Variants in PHLDB1 observed in about 807,000 individuals in gnomAD.
The protein encoded by PHLDB1 is pleckstrin homology like domain family B member 1.
A neutral mutation model predicts 139.3 loss-of-function variants in PHLDB1; 65 were observed. The ratio of observed to expected loss-of-function variants is 0.47; its 90% CI spans 0.38 to 0.57. The LOEUF (loss-of-function observed/expected upper bound fraction) is 0.57, where lower values mean the gene tolerates loss of function less well. PHLDB1 is among the 20% of genes least tolerant of loss of function. PHLDB1 has a pLI of 0.00. For synonymous variants in PHLDB1, 679 were observed against 734.5 expected, an observed-to-expected ratio of 0.92 and a Z score of 1.22; for missense variants, 1,624 against 1,839.7, an observed-to-expected ratio of 0.88 and a Z score of 2.14.
chr11:118,624,586 CTTTCTTTTTTTTTTTTTTTT>C (rs1166219601), intron 4 of PHLDB1: 4 of 217,966 alleles, frequency 1.8e-5, no homozygotes, highest in African/African-American at 1.1e-4. Context: ...CTCTTTCTTC[CTTTCTTTTTTTTTTTTTTTT>C]TTTTTTTTTT....
Position 118,646,152 on chromosome 11 carries a change from C to T in PHLDB1, c.3507+327C>T, listed in dbSNP as rs184176723. On this transcript the variant is annotated intron_variant, in intron 17 of 22. Transcript: ENST00000600882. ...GCAGGCGCCTGTAGTCCCAGCTGCG[C>T]GGGAGGCTGAGGCAGGAGAATGGCG... Among the ~76,000 whole-genome samples the T allele has an allele frequency of 7.2e-3, 1,014 of 140,860 alleles. 16 individuals are homozygous for T. Among genetic ancestry groups the T allele is most frequent in the African/African-American group, 0.025 (957 of 38,772 alleles). The allele number at this position is 140,860 out of a possible 152,430, so 92.4% of individuals were successfully genotyped here.
In PHLDB1 at chr11:118,642,262, G is replaced by T. The variant is rs782369844; in HGVS notation, c.2745G>T (p.Lys915Asn). ...CCCATTCCCACCTCCAGATGGAGAAGCTGCTGCTCCCTGCTGTAGACTTAG... is the reference window on the plus strand; with the variant it reads ...CCCATTCCCACCTCCAGATGGAGAATCTGCTGCTCCCTGCTGTAGACTTAG... ...KTTSTLKEME[K>N]LLLPAVDLEQ... The change falls in exon 13 of 23, where the codon AAG becomes AAT. Residue 915 changes from lysine (K) to asparagine (N), a missense_variant. By Grantham distance (94) the Lys-to-Asn change is moderately conservative. Transcript: ENST00000600882. 1.9e-6 allele frequency: 3 copies of T among 1,612,510 alleles called. No individual in the cohort carries two copies. The South Asian group carries it at 3.3e-5, about 18-fold the overall frequency.
In PHLDB1 at chr11:118,645,318, G is replaced by T; in HGVS notation, c.3122-38G>T. 1 of 1,470,236 alleles carries T rather than the reference G, an allele frequency of 6.8e-7. No homozygotes were observed. Among genetic ancestry groups the T allele is most frequent in the Admixed American group, 2.3e-5 (1 of 42,900 alleles). The allele number at this position is 1,470,236 out of a possible 1,614,324, so 91.1% of individuals were successfully genotyped here. On this transcript the variant is annotated intron_variant, in intron 15 of 22. Transcript: ENST00000600882. The surrounding 1 kb of genome is among the most constrained non-coding windows in gnomAD (Gnocchi z 5.1). ...CCAGTGGCCTGCTCCTTAGCTGCGT[G>T]GGGAGCCCACTGTGACTCCCATCTG...
At chr11:118,625,323 G>T (rs1171606703) in intron 5 of PHLDB1, among the ~76,000 whole-genome samples, 2 of 152,210 alleles carry the variant, frequency 1.3e-5, no homozygotes, top group East Asian at 3.9e-4. Context: ...CTGCCCTGGA[G>T]GATGCCACTC....
chr11:118,639,056 GT>G (rs1946099545), intron 11 of PHLDB1, 55 bp downstream of exon 11: 9 of 1,558,664 alleles, frequency 5.8e-6, no homozygotes, highest in Middle Eastern at 3.4e-4. Flanking sequence ...TGGGAGGGGA[GT>G]GCAGAAGGAC....
At chr11:118,618,535 C>A (rs1232862225) in intron 4 of PHLDB1, among the ~76,000 whole-genome samples, 2 of 151,986 alleles carry the variant, frequency 1.3e-5, no homozygotes, top group African/African-American at 4.8e-5. Flanking sequence ...GCTTACGAAT[C>A]CTGTGTTTGT....
intron 12 of PHLDB1, chr11:118,639,524 T>G: frequency 1.3e-4 from 54 of 420,854 alleles, no homozygotes; most frequent in East Asian, 1.4e-4. Flanking sequence ...GGGCCTGGGT[T>G]GGGTGGGTAG....
At chr11:118,638,409 A>G (rs2136443275) in intron 10 of PHLDB1, among the ~76,000 whole-genome samples, 1 of 152,366 alleles carries the variant, frequency 6.6e-6, no homozygotes, top group South Asian at 2.1e-4. Flanking sequence ...CTTTTTAGAA[A>G]GATTAGAAAA....
chr11:118,645,955 A>C lies in PHLDB1; in HGVS notation c.3507+130A>C. 1 of 709,296 alleles carries C rather than the reference A, an allele frequency of 1.4e-6. No individual in the cohort carries two copies. Among genetic ancestry groups the C allele is most frequent in the Non-Finnish European group, 2.5e-6 (1 of 393,752 alleles). The allele number at this position is 709,296 out of a possible 1,614,324, so 43.9% of individuals were successfully genotyped here. On this transcript the variant is annotated intron_variant, in intron 17 of 22. Coordinates refer to ENST00000600882, the MANE Select transcript of PHLDB1 (RefSeq NM_001144758.3). The surrounding 1 kb of genome is among the most constrained non-coding windows in gnomAD (Gnocchi z 5.1). Reference sequence around the variant, plus strand: ...CCTTGCCACATTCCCTTGGGGTAGAAAATGTTTTAAAAGGTTGTATTCTGG... The same window carrying C: ...CCTTGCCACATTCCCTTGGGGTAGACAATGTTTTAAAAGGTTGTATTCTGG...
At chr11:118,612,938 C>G (rs555839142) in intron 1 of PHLDB1, among the ~76,000 whole-genome samples, 130 of 152,178 alleles carry the variant, frequency 8.5e-4, no homozygotes, top group Non-Finnish European at 1.4e-3. Context: ...CATTAGTACA[C>G]AAAGGTCCTC....
chr11:118,644,444 G>C (rs1374915223), intron 15 of PHLDB1: 15 of 506,432 alleles, frequency 3.0e-5, no homozygotes, highest in Non-Finnish European at 5.0e-5. Context: ...CCTGAGTCGG[G>C]TTAGACATTG....
chr11:118,652,959 G>A (rs1555138706), intron 20 of PHLDB1: 1 of 152,446 alleles, frequency 6.6e-6, no homozygotes, highest in African/African-American at 2.4e-5. Flanking sequence ...ACAAGCAGGA[G>A]GTGTCACCAG....
At chr11:118,615,715 G>A (rs781822171) in intron 3 of PHLDB1, 24 of 290,796 alleles carry the variant, frequency 8.3e-5, no homozygotes, top group Admixed American at 4.8e-5. Flanking sequence ...AGGACAATAG[G>A]GAGAGGCAGT....
At chr11:118,646,480 C>A (rs1396336732) in intron 17 of PHLDB1, 1 of 152,428 alleles carries the variant, frequency 6.6e-6, no homozygotes, top group Non-Finnish European at 1.5e-5. Context: ...ACCCGTATGG[C>A]AGGCCATTCC....
In PHLDB1 at chr11:118,632,407, C is replaced by A; in HGVS notation, c.2379+111C>A. 1 of 1,124,442 alleles carries A rather than the reference C, an allele frequency of 8.9e-7. No individual in the cohort carries two copies. The highest frequency in any genetic ancestry group is 1.3e-6 in the Non-Finnish European group (1 of 773,948). 69.7% of individuals were successfully genotyped at this position (1,124,442 alleles called of 1,614,324 possible). ...TCACCTCATCATCCATTCTGCAGTA[C>A]AAGTGGTCTCTGTGGCTTTCCAGAG... On this transcript the variant is annotated intron_variant, in intron 9 of 22. Transcript: ENST00000600882. The surrounding 1 kb of genome is among the most constrained non-coding windows in gnomAD (Gnocchi z 5.9).
In PHLDB1 at chr11:118,635,490, C is replaced by T; in HGVS notation, c.2477C>T (p.Ala826Val). 6.2e-7 allele frequency: 1 copy of T among 1,610,386 alleles called. No homozygotes were observed. Among genetic ancestry groups the T allele is most frequent in the East Asian group, 2.2e-5 (1 of 44,710 alleles). Residue 826 changes from alanine to valine, a missense_variant, in exon 10 of 23, where the codon GCC becomes GTC. Physicochemically the swap from Ala to Val is moderately conservative, Grantham distance 64 (BLOSUM62 0). Transcript: ENST00000600882. ...ESRVEEEREL[A>V]GQGLLRSKAE... ...CGCGTGGAGGAGGAGCGCGAGCTGGCCGGCCAGGGGCTGCTCCGGAGCAAG... is the reference window on the plus strand; with the variant it reads ...CGCGTGGAGGAGGAGCGCGAGCTGGTCGGCCAGGGGCTGCTCCGGAGCAAG...
At chr11:118,639,923 C>T (rs1946249330) in intron 12 of PHLDB1, 21 of 986,180 alleles carry the variant, frequency 2.1e-5, no homozygotes, top group Non-Finnish European at 2.5e-5. Context: ...TGGGCCTTTT[C>T]CCAGGGTCTT....
At chr11:118,616,701 G>A (rs149822398) in intron 4 of PHLDB1, among the ~76,000 whole-genome samples, 2 of 152,298 alleles carry the variant, frequency 1.3e-5, no homozygotes, top group Admixed American at 6.5e-5. Flanking sequence ...TTTGGGTCAC[G>A]AATATAACCC....
intron 5 of PHLDB1, among the ~76,000 whole-genome samples, 159 bp downstream of exon 5, chr11:118,625,218 G>A (rs1197490436): frequency 6.6e-6 from 1 of 152,188 alleles, no homozygotes; most frequent in Admixed American, 6.5e-5. Flanking sequence ...GCCAGGCAGT[G>A]GGGCCACTGA....
Sources: gnomAD v4.1 joint callset for allele counts (sites outside exome capture counted in the v4.1 genomes callset) on GRCh38, gnomAD v4.1.1 for gene constraint, Gnocchi (gnomAD v3.1) non-coding constraint, MANE v1.5 for transcripts, NCBI Gene and HGNC (gene_info 2026-07-23, HGNC 2026-07-21) for gene names.